Variants in HEPHL1 observed in about 807,000 individuals in gnomAD.
HEPHL1 encodes hephaestin like 1.
In HEPHL1, 123 loss-of-function variants were observed where a neutral mutation model predicts 122.0. The observed-to-expected ratio is 1.01, with a 90% CI of 0.87 to 1.17. The LOEUF (loss-of-function observed/expected upper bound fraction) is 1.17, where lower values mean the gene tolerates loss of function less well. Ranked by LOEUF, HEPHL1 falls within the 50% of genes most tolerant of loss-of-function variation. The pLI, the probability that HEPHL1 is intolerant of heterozygous loss-of-function variation, is 0.00. For synonymous variants in HEPHL1, 527 were observed against 508.9 expected (o/e 1.04, Z -0.48); for missense variants, 1,452 against 1,430.5 (o/e 1.01, Z -0.24).
intron 1 of HEPHL1, among the ~76,000 whole-genome samples, chr11:94,021,836 CTGTT>C (rs778372978): frequency 4.6e-5 from 7 of 152,048 alleles, no homozygotes; most frequent in Admixed American, 1.3e-4. Context: ...CTGGGGGATT[CTGTT>C]TGTTTGTTTG....
In HEPHL1 at chr11:94,106,064, GT is replaced by G; in HGVS notation, c.2981del (p.Leu994Ter). On this transcript the variant is annotated frameshift_variant, in exon 17 of 20. Transcript: ENST00000315765. LOFTEE classifies it high-confidence loss of function. The stretch of plus-strand genomic sequence containing the variant: ...AAGATACAATGACAAACTGGTATTT[GT>G]TAGGGATAGGAAGTGAAGTGGACAT... ...NEDTMTNWYL[L>X]GIGSEVDIHT... 6.2e-7 allele frequency: 1 copy of G among 1,600,770 alleles called. No individual in the cohort carries two copies.
intron 5 of HEPHL1, among the ~76,000 whole-genome samples, chr11:94,068,391 TC>T (rs1388321324): frequency 6.6e-6 from 1 of 152,208 alleles, no homozygotes; most frequent in Non-Finnish European, 1.5e-5. Context: ...GGAATGTTCT[TC>T]CTCAAATTGA....
intron 9 of HEPHL1, among the ~76,000 whole-genome samples, chr11:94,078,537 A>G (rs1211547640): frequency 6.6e-6 from 1 of 150,680 alleles, no homozygotes; most frequent in Non-Finnish European, 1.5e-5. Context: ...GATTATGGAG[A>G]CTGATAGATC....
At chr11:94,074,720 C>T (rs938440227) in intron 8 of HEPHL1, among the ~76,000 whole-genome samples, 1 of 152,138 alleles carries the variant, frequency 6.6e-6, no homozygotes, top group Non-Finnish European at 1.5e-5. Flanking sequence ...TCACTAAACT[C>T]CTCTATCTTG....
At chr11:94,067,776 A>T (rs753644655) in intron 5 of HEPHL1, 26 bp downstream of exon 5, 4 of 1,609,992 alleles carry the variant, frequency 2.5e-6, no homozygotes, top group Non-Finnish European at 3.4e-6. Flanking sequence ...ACCAGAGTTG[A>T]TATGTTTAGA....
At chr11:94,070,576 C>T (rs1268837018) in intron 6 of HEPHL1, 34 bp downstream of exon 6, 42 of 1,545,004 alleles carry the variant, frequency 2.7e-5, no homozygotes, top group Middle Eastern at 3.4e-4. Flanking sequence ...CTAAGCCTCT[C>T]GTCAGAGAAG....
At chr11:94,045,213 A>G (rs1315950859) in intron 1 of HEPHL1, among the ~76,000 whole-genome samples, 2 of 152,236 alleles carry the variant, frequency 1.3e-5, no homozygotes, top group African/African-American at 4.8e-5. Context: ...GCCTCCCTGA[A>G]CTATTACGTT....
At chr11:94,078,925 A>C (rs1197769244) in intron 9 of HEPHL1, among the ~76,000 whole-genome samples, 1 of 152,150 alleles carries the variant, frequency 6.6e-6, no homozygotes, top group African/African-American at 2.4e-5. Flanking sequence ...CAGTTAAGTT[A>C]TTCATAAATT....
At chr11:94,067,991 G>A (rs1946048058) in intron 5 of HEPHL1, among the ~76,000 whole-genome samples, 1 of 152,148 alleles carries the variant, frequency 6.6e-6, no homozygotes, top group Non-Finnish European at 1.5e-5. Flanking sequence ...GACCTTCGAG[G>A]AACCTGTAGT....
chr11:94,061,598 T>C (rs150650055), intron 2 of HEPHL1, among the ~76,000 whole-genome samples: 96 of 152,278 alleles, frequency 6.3e-4, no homozygotes, highest in Admixed American at 9.8e-4. Context: ...TCTGGATTTT[T>C]TCCTATGTCC....
chr11:94,036,963 T>C (rs887111295), intron 1 of HEPHL1, among the ~76,000 whole-genome samples: 2 of 152,028 alleles, frequency 1.3e-5, no homozygotes, highest in Non-Finnish European at 2.9e-5. Context: ...GGTACAGGGT[T>C]CATCTCACTA....
chr11:94,103,065 A>G (rs1314411533), intron 15 of HEPHL1, 45 bp downstream of exon 15: 1 of 1,086,382 alleles, frequency 9.2e-7, no homozygotes, highest in Non-Finnish European at 1.4e-6. Context: ...AATTTGGATG[A>G]AAGTTGACTA....
At chr11:94,103,542 T>C (rs763166782) in intron 15 of HEPHL1, among the ~76,000 whole-genome samples, 10 of 152,168 alleles carry the variant, frequency 6.6e-5, no homozygotes, top group Non-Finnish European at 1.3e-4. Context: ...ACTCTAAACA[T>C]AGTAACTGAA....
intron 1 of HEPHL1, 53 bp from the exon 2 acceptor site, chr11:94,045,620 A>G (rs1429024241): frequency 6.8e-7 from 1 of 1,460,360 alleles, no homozygotes; most frequent in Non-Finnish European, 9.3e-7. Flanking sequence ...GTGGTAAGCT[A>G]TTAGGTCTTC....
intron 1 of HEPHL1, among the ~76,000 whole-genome samples, chr11:94,034,324 C>T (rs1316839728): frequency 2.0e-5 from 3 of 152,178 alleles, no homozygotes; most frequent in Non-Finnish European, 4.4e-5. Context: ...CTAGCTCCAT[C>T]ATCCTGAAAA....
chr11:94,111,823 C>T lies in HEPHL1; in HGVS notation c.3409C>T (p.Leu1137Phe), dbSNP rs117805838. The T allele has an allele frequency of 2.7e-3, 4,180 of 1,553,466 alleles. 160 individuals are homozygous for T. In the East Asian group the frequency reaches 0.075, roughly 28 times the overall value. The change falls in exon 20 of 20, where the codon CTC becomes TTC. Residue 1137 changes from leucine to phenylalanine, a missense_variant. Transcript: ENST00000315765. ...CACCACGGTGATTCTCTCCCTCAGA[C>T]TCTGCTCTGCAATGAAGCAGACAGA... Reference protein sequence around the residue: ...LITTVILSLRLCSAMKQTDYQ... With the variant: ...LITTVILSLRFCSAMKQTDYQ...
chr11:94,103,680 G>A (rs1946387465), intron 15 of HEPHL1, among the ~76,000 whole-genome samples: 1 of 152,152 alleles, frequency 6.6e-6, no homozygotes, highest in Non-Finnish European at 1.5e-5. Flanking sequence ...ATAAACCAAA[G>A]TCCAATCTAA....
chr11:94,077,690 G>A (rs1946137354), intron 9 of HEPHL1, among the ~76,000 whole-genome samples: 2 of 152,170 alleles, frequency 1.3e-5, no homozygotes, highest in Non-Finnish European at 1.5e-5. Context: ...GTGGTTTCCT[G>A]TCACACTTAA....
rs1417288960 is a variant in HEPHL1 at position 94,044,865 on chromosome 11, T to G, written c.171-808T>G. ...AGAGCCTTAACTTCCCAGGCTCAAGTGATCCTCCCACCTTAGCCTCCCAAA... is the reference window on the plus strand; with the variant it reads ...AGAGCCTTAACTTCCCAGGCTCAAGGGATCCTCCCACCTTAGCCTCCCAAA... On this transcript the variant is annotated intron_variant, in intron 1 of 19. Transcript: ENST00000315765. 3.3e-5 allele frequency among the ~76,000 whole-genome samples: 5 copies of G among 151,178 alleles called. No individual in the cohort carries two copies. In the Admixed American group the frequency reaches 3.3e-4, roughly 10 times the overall value.
Sources: allele counts gnomAD v4.1 joint callset (sites outside exome capture counted in the v4.1 genomes callset), GRCh38; gene constraint gnomAD v4.1.1; transcripts MANE v1.5; gene names NCBI Gene and HGNC (gene_info 2026-07-23, HGNC 2026-07-21).